The following C1orf159 variants were observed in gnomAD, a reference collection of about 807,000 sequenced individuals.
C1orf159 encodes uncharacterized protein C1orf159.
C1orf159 carries 19 observed loss-of-function variants against 25.6 expected under a neutral mutation model. That is an observed-to-expected ratio of 0.74 (90% CI 0.52 to 1.09). C1orf159 has a LOEUF of 1.09. Ranked by LOEUF, C1orf159 falls within the 50% of genes least tolerant of loss-of-function variation. C1orf159 has a pLI of 0.00. For missense variants in C1orf159, 274 were observed against 290.6 expected (o/e 0.94, Z 0.42); for synonymous variants, 139 against 124.7 (o/e 1.12, Z -0.77).
At chr1:1,108,606 T>TCCACCACAGCCACCA in intron 1 of C1orf159, among the ~76,000 whole-genome samples, 2 of 101,298 alleles carry the variant, frequency 2.0e-5, no homozygotes, top group African/African-American at 3.7e-5. Context: ...CTCGGCACCG[T>TCCACCACAGCCACCA]TCACCACAGC....
intron 1 of C1orf159, among the ~76,000 whole-genome samples, chr1:1,096,844 C>T (rs1321327868): frequency 6.6e-6 from 1 of 152,218 alleles, no homozygotes; most frequent in Non-Finnish European, 1.5e-5. Flanking sequence ...CCCACCTCAG[C>T]CTCCCAAGTA....
rs544081507 is a variant in C1orf159 at position 1,086,816 on chromosome 1, C to T, written c.310+323G>A. On this transcript the variant is annotated intron_variant, in intron 6 of 9. Transcript: ENST00000421241. ...TGAGCCTTAAGTGTGAACCTAAGAG[C>T]GTGCGGTGTGGCCGTGAGCCATGAG... Among the ~76,000 whole-genome samples the T allele has an allele frequency of 1.3e-4, 20 of 151,974 alleles. No homozygotes were observed. The East Asian group carries it at 2.9e-3, about 22-fold the overall frequency.
At chr1:1,091,361 G>A (rs1645931239) in intron 3 of C1orf159, 111 bp downstream of exon 3, 2 of 1,049,338 alleles carry the variant, frequency 1.9e-6, no homozygotes, top group Non-Finnish European at 1.4e-6. Flanking sequence ...CTCTGGGGCT[G>A]GGACATCAGT....
chr1:1,087,237 TGC>T lies in C1orf159; in HGVS notation c.245-35_245-34del. Reference sequence around the variant, plus strand: ...ATAGCAGAACTGTGGGAAGCCTGTGTGCACGGAGCCCACGGGGACACCCACGT... The same window carrying T: ...ATAGCAGAACTGTGGGAAGCCTGTGTACGGAGCCCACGGGGACACCCACGT... On this transcript the variant is annotated intron_variant, in intron 5 of 9. Transcript: ENST00000421241. The surrounding 1 kb of genome is among the most constrained non-coding windows in gnomAD (Gnocchi z 8.3). 6.3e-7 allele frequency: 1 copy of T among 1,581,724 alleles called. No homozygotes were observed. Among genetic ancestry groups the T allele is most frequent in the Non-Finnish European group, 8.6e-7 (1 of 1,163,814 alleles).
rs377735859 is a variant in C1orf159 at position 1,087,541 on chromosome 1, C to T, written c.205G>A (p.Gly69Arg). Residue 69 changes from glycine (G) to arginine (R), a missense_variant, in exon 5 of 10, where the codon GGA (glycine) becomes AGA (arginine). Coordinates refer to ENST00000421241, the MANE Select transcript of C1orf159 (RefSeq NM_017891.5). The surrounding 1 kb of genome is among the most constrained non-coding windows in gnomAD (Gnocchi z 8.3). ...GSASCVRCGN[G>R]TLPAYNGSEC... ...GAGCCGTTGTAGGCTGGGAGGGTTC[C>T]GTTCCCACAGCGGACGCAGCTGGCG... The T allele has an allele frequency of 2.5e-4, 390 of 1,549,512 alleles. No individual in the cohort carries two copies. Among genetic ancestry groups the T allele is most frequent in the Admixed American group, 7.3e-4 (37 of 50,964 alleles).
In C1orf159 at chr1:1,087,345, C is replaced by T. The variant is rs571164263; in HGVS notation, c.245-141G>A. ...AGCAGCCCTCACCACAGAGCTGTCC[C>T]GAATGGCCCAGCAGACTCGGGAAGA... On this transcript the variant is annotated intron_variant, in intron 5 of 9. Transcript: ENST00000421241. The surrounding 1 kb of genome is among the most constrained non-coding windows in gnomAD (Gnocchi z 8.3). 1.8e-5 allele frequency: 21 copies of T among 1,173,282 alleles called. No individual in the cohort carries two copies. The highest frequency in any genetic ancestry group is 9.3e-5 in the African/African-American group (6 of 64,778). The allele number at this position is 1,173,282 out of a possible 1,614,324, so 72.7% of individuals were successfully genotyped here. A position where few individuals can be genotyped will look rare whatever the true frequency, so the allele number is the denominator to read the frequency against.
chr1:1,114,786 C>G (rs1292557343), intron 1 of C1orf159, among the ~76,000 whole-genome samples: 1 of 152,050 alleles, frequency 6.6e-6, no homozygotes, highest in African/African-American at 2.4e-5. Flanking sequence ...AACCGGCTCC[C>G]TCTGCGAGGG....
At chr1:1,085,108 G>A (rs573243502) in intron 7 of C1orf159, 47 of 264,076 alleles carry the variant, frequency 1.8e-4, no homozygotes, top group African/African-American at 8.7e-4. Flanking sequence ...CCCTGGCAGC[G>A]GGCTCCCGAC....
rs749520384 is a variant in C1orf159 at position 1,087,149 on chromosome 1, C to T, written c.300G>A (p.Arg100=). 6.2e-7 allele frequency: 1 copy of T among 1,609,334 alleles called. No individual in the cohort carries two copies. ...CCTGCTGAGACTTACCAGGATGTGGCCGCCCGGGGGTCCCTGAGCTTCTGT... is the reference window on the plus strand; with the variant it reads ...CCTGCTGAGACTTACCAGGATGTGGTCGCCCGGGGGTCCCTGAGCTTCTGT... ...PMNRSSGTPG[R]PHPGAPRVAA... The change falls in exon 6 of 10, where the codon CGG becomes CGA. Residue 100 remains arginine, a synonymous_variant. Coordinates refer to ENST00000421241, the MANE Select transcript of C1orf159 (RefSeq NM_017891.5). The surrounding 1 kb of genome is among the most constrained non-coding windows in gnomAD (Gnocchi z 8.3).
intron 1 of C1orf159, among the ~76,000 whole-genome samples, chr1:1,112,565 C>T (rs1646276605): frequency 1.3e-5 from 2 of 152,138 alleles, no homozygotes; most frequent in Non-Finnish European, 2.9e-5. Flanking sequence ...CTCCAGTGAA[C>T]ACACAGCGCA....
At chr1:1,090,180 A>G (rs1645905251) in intron 4 of C1orf159, among the ~76,000 whole-genome samples, 173 bp downstream of exon 4, 3 of 152,166 alleles carry the variant, frequency 2.0e-5, no homozygotes, top group Admixed American at 2.0e-4. Flanking sequence ...GCCCGCCAGA[A>G]AGGAGGCTCA....
Position 1,091,528 on chromosome 1 carries a change from G to A in C1orf159, c.16C>T (p.Leu6Phe), listed in dbSNP as rs994078693. Residue 6 changes from leucine (L) to phenylalanine (F), a missense_variant, in exon 3 of 10, where the codon CTC becomes TTC. Coordinates refer to ENST00000421241, the MANE Select transcript of C1orf159 (RefSeq NM_017891.5). ...ACGAGAAGGCCAGCCAGGAGGGCGA[G>A]GTGCCGCAGCGCCATGCCAGGAGCA... is the stretch of plus-strand genomic sequence containing the variant. Reference protein sequence around the residue: MALRHLALLAGLLVGV... With the variant: MALRHFALLAGLLVGV... 12 of 1,549,926 alleles carry A rather than the reference G, an allele frequency of 7.7e-6. No individual in the cohort carries two copies. The highest frequency in any genetic ancestry group is 1.0e-5 in the Non-Finnish European group (12 of 1,146,918).
rs1645821056 is a variant in C1orf159 at position 1,085,910 on chromosome 1, T to C, written c.413A>G (p.Lys138Arg). 1 of 1,613,072 alleles carries C rather than the reference T, an allele frequency of 6.2e-7. No individual in the cohort carries two copies. Among genetic ancestry groups the C allele is most frequent in the Non-Finnish European group, 8.5e-7 (1 of 1,179,690 alleles). Reference protein sequence around the residue: ...AGFFYLKRSSKLPRACYRRNK... With the variant: ...AGFFYLKRSSRLPRACYRRNK... ...TCTTCTGTAGCAGGCCCTGGGGAGTTTACTGGAGCGCTTGAGGTAGAAGAA... is the reference window on the plus strand; with the variant it reads ...TCTTCTGTAGCAGGCCCTGGGGAGTCTACTGGAGCGCTTGAGGTAGAAGAA... The change falls in exon 7 of 10, where the codon AAA becomes AGA. Residue 138 changes from lysine to arginine, a missense_variant. By Grantham distance (26) the Lys-to-Arg change is conservative (BLOSUM62 2). Coordinates refer to ENST00000421241, the MANE Select transcript of C1orf159 (RefSeq NM_017891.5).
intron 1 of C1orf159, among the ~76,000 whole-genome samples, chr1:1,112,025 C>A (rs1322163174): frequency 2.6e-5 from 4 of 152,218 alleles, no homozygotes; most frequent in Non-Finnish European, 5.9e-5. Flanking sequence ...GCTCAGCACA[C>A]CGGAGTCGGG....
intron 1 of C1orf159, among the ~76,000 whole-genome samples, chr1:1,105,240 C>G (rs1028793296): frequency 1.3e-5 from 2 of 152,240 alleles, no homozygotes; most frequent in African/African-American, 4.8e-5. Flanking sequence ...GAAGTAAAGG[C>G]CAGGAGCAGT....
At chr1:1,090,746 G>A (rs899025736) in intron 3 of C1orf159, 79 of 849,704 alleles carry the variant, frequency 9.3e-5, no homozygotes, top group Middle Eastern at 3.2e-4. Context: ...GCAAGTCTCC[G>A]GAGGCTCTCC....
intron 9 of C1orf159, 175 bp from the exon 10 acceptor site, chr1:1,083,162 G>A: frequency 1.8e-6 from 1 of 561,124 alleles, no homozygotes; most frequent in East Asian, 3.1e-5. Flanking sequence ...CGCCCTCAGA[G>A]CTCCAGCTCG....
intron 1 of C1orf159, among the ~76,000 whole-genome samples, chr1:1,096,846 T>G (rs1646015355): frequency 6.6e-6 from 1 of 152,184 alleles, no homozygotes; most frequent in Admixed American, 6.5e-5. Context: ...CACCTCAGCC[T>G]CCCAAGTAGC....
chr1:1,087,888 G>A lies in C1orf159; in HGVS notation c.149-291C>T, dbSNP rs1645858118. Among the ~76,000 whole-genome samples the A allele has an allele frequency of 6.7e-6, 1 of 148,378 alleles. No homozygotes were observed. Reference sequence around the variant, plus strand: ...ACCCCGGCCCCGAGTACTCCACGCTGCACTCTCCACGCCGAGCACCCCAGC... The same window carrying A: ...ACCCCGGCCCCGAGTACTCCACGCTACACTCTCCACGCCGAGCACCCCAGC... On this transcript the variant is annotated intron_variant, in intron 4 of 9. Coordinates refer to ENST00000421241, the MANE Select transcript of C1orf159 (RefSeq NM_017891.5). This position sits in a 1 kb window ranked among gnomAD's most constrained non-coding sequence, Gnocchi z 8.3.
Sources: gnomAD v4.1 joint callset for allele counts (sites outside exome capture counted in the v4.1 genomes callset) on GRCh38, gnomAD v4.1.1 for gene constraint, Gnocchi (gnomAD v3.1) non-coding constraint, MANE v1.5 for transcripts, NCBI Gene and HGNC (gene_info 2026-07-23, HGNC 2026-07-21) for gene names.